The following ITCH variants were observed in gnomAD, a reference collection of about 807,000 sequenced individuals.
ITCH encodes the protein E3 ubiquitin-protein ligase Itchy homolog.
ITCH carries 28 observed loss-of-function variants against 126.8 expected under a neutral mutation model. The ratio of observed to expected loss-of-function variants is 0.22; its 90% CI spans 0.16 to 0.30. ITCH has a LOEUF of 0.30. Among genes scored for constraint, ITCH ranks in the 10% least tolerant of loss-of-function variants. The pLI is 1.00. For synonymous variants in ITCH, 342 were observed against 340.0 expected, an observed-to-expected ratio of 1.01 and a Z score of -0.06; for missense variants, 631 against 1,032.4, an observed-to-expected ratio of 0.61 and a Z score of 5.33.
chr20:34,507,393 C>G (rs1990708026), intron 24 of ITCH, among the ~76,000 whole-genome samples: 1 of 148,000 alleles, frequency 6.8e-6, no homozygotes, highest in South Asian at 2.1e-4. Context: ...GGATGTTGAG[C>G]ATTTTTTTAA....
intron 9 of ITCH, 114 bp downstream of exon 9, chr20:34,440,458 T>C (rs1347869764): frequency 1.2e-6 from 1 of 824,232 alleles, no homozygotes. Flanking sequence ...GATGACTGTT[T>C]TTTAATTTCT....
rs144559539 is a variant in ITCH, at chr20:34,422,222, G to A, written c.476-2258G>A. 1.6e-3 allele frequency among the ~76,000 whole-genome samples: 248 copies of A among 152,286 alleles called. 2 individuals are homozygous for A. The highest frequency in any genetic ancestry group is 5.6e-3 in the African/African-American group (233 of 41,556). ...GCAGGAAAAGTACAGGAAGTCAAGT[G>A]TACTTTTGTAAGGTCACAAAGTACA... On this transcript the variant is annotated intron_variant, in intron 6 of 24. Coordinates refer to ENST00000374864, the MANE Select transcript of ITCH (RefSeq NM_031483.7).
chr20:34,439,393 C>T (rs1983444291), intron 8 of ITCH, among the ~76,000 whole-genome samples: 1 of 152,160 alleles, frequency 6.6e-6, no homozygotes, highest in South Asian at 2.1e-4. Context: ...TAGCCTCAGC[C>T]TCCCGAGTAG....
intron 6 of ITCH, among the ~76,000 whole-genome samples, chr20:34,421,744 A>G (rs1379373106): frequency 6.6e-6 from 1 of 152,178 alleles, no homozygotes; most frequent in African/African-American, 2.4e-5. Flanking sequence ...ATGGTGGCTC[A>G]CACCTGTAAT....
chr20:34,427,855 A>T (rs1981760998), intron 7 of ITCH, among the ~76,000 whole-genome samples: 1 of 152,312 alleles, frequency 6.6e-6, no homozygotes, highest in Non-Finnish European at 1.5e-5. Context: ...CTGTTATGCC[A>T]GTGTGTTGTT....
chr20:34,400,908 C>G (rs1308447264), intron 3 of ITCH, among the ~76,000 whole-genome samples: 2 of 152,094 alleles, frequency 1.3e-5, no homozygotes, highest in Admixed American at 6.6e-5. Context: ...CAGGCATGCA[C>G]CACTGTGCCT....
intron 20 of ITCH, among the ~76,000 whole-genome samples, chr20:34,489,050 G>T (rs777362896): frequency 8.0e-4 from 121 of 152,140 alleles, no homozygotes; most frequent in African/African-American, 1.8e-3. Context: ...AATAAATAAA[G>T]AAATGAAATT....
At chr20:34,468,350 G>C (rs1459692041) in intron 14 of ITCH, among the ~76,000 whole-genome samples, 1 of 145,600 alleles carries the variant, frequency 6.9e-6, no homozygotes. Context: ...ATTTTTATTG[G>C]AAAAAAAAAA....
chr20:34,442,068 G>T (rs777825833), intron 9 of ITCH, 140 bp from the exon 10 acceptor site: 6 of 706,386 alleles, frequency 8.5e-6, no homozygotes, highest in Non-Finnish European at 1.6e-5. Flanking sequence ...TTCCTAAATT[G>T]TATTTGTATC....
intron 3 of ITCH, among the ~76,000 whole-genome samples, chr20:34,405,141 C>CAAAAAA (rs1170286039): frequency 1.7e-5 from 1 of 58,236 alleles, no homozygotes; most frequent in African/African-American, 7.4e-5. Flanking sequence ...GACCCTGTCT[C>CAAAAAA]AAAAAAAAAA....
chr20:34,446,169 G>A (rs189450402), intron 11 of ITCH, among the ~76,000 whole-genome samples: 305 of 152,236 alleles, frequency 2.0e-3, no homozygotes, highest in Non-Finnish European at 3.4e-3. Context: ...GGAGGAAAAG[G>A]AAAATAATCC....
chr20:34,412,407 G>C (rs1196095563), intron 4 of ITCH, 108 bp from the exon 5 acceptor site: 2 of 783,310 alleles, frequency 2.6e-6, no homozygotes, highest in African/African-American at 3.4e-5. Context: ...AAACTGTAAG[G>C]GGTGCAGTGA....
intron 3 of ITCH, among the ~76,000 whole-genome samples, chr20:34,406,814 G>A (rs1230556296): frequency 2.0e-5 from 3 of 152,164 alleles, no homozygotes; most frequent in African/African-American, 7.2e-5. Context: ...GATTACAGGC[G>A]TGAGCCACCG....
At chr20:34,503,899 T>TTTG (rs1990449218) in intron 23 of ITCH, among the ~76,000 whole-genome samples, 2 of 148,190 alleles carry the variant, frequency 1.3e-5, no homozygotes, top group Admixed American at 1.3e-4. Flanking sequence ...TTTTTTTTTT[T>TTTG]GAGATAGGGT....
At position 34,368,381 on chromosome 20, in the gene ITCH, A is replaced by G. The variant is rs552779503; in HGVS notation, c.-98-1013A>G. ...TAAGTCTCTGTTTTGGGTTTTGGAC[A>G]TTGGTTTCCTTTATAAGAATTAAGA... is the stretch of plus-strand genomic sequence containing the variant. On this transcript the variant is annotated intron_variant, in intron 1 of 24. Transcript: ENST00000374864. Among the ~76,000 whole-genome samples, 5 of 149,954 alleles carry G rather than the reference A, an allele frequency of 3.3e-5. No homozygotes were observed. The East Asian group carries it at 7.8e-4, about 23-fold the overall frequency.
At chr20:34,364,204 G>A (rs907266041) in intron 1 of ITCH, among the ~76,000 whole-genome samples, 4 of 152,142 alleles carry the variant, frequency 2.6e-5, no homozygotes, top group African/African-American at 4.8e-5. Flanking sequence ...AGGTGAACTT[G>A]TAAAGGGCCA....
chr20:34,397,260 A>T (rs889306902), intron 3 of ITCH, among the ~76,000 whole-genome samples: 6 of 152,250 alleles, frequency 3.9e-5, no homozygotes, highest in Admixed American at 3.9e-4. Context: ...TGACCTCAGG[A>T]TCCACCCACC....
intron 3 of ITCH, among the ~76,000 whole-genome samples, chr20:34,400,617 T>G (rs965048692): frequency 1.3e-5 from 2 of 150,440 alleles, no homozygotes; most frequent in Non-Finnish European, 3.0e-5. Context: ...ATTTGTGTTT[T>G]AGAAAGTTAG....
chr20:34,471,658 C>T, intron 16 of ITCH, 143 bp downstream of exon 16: 1 of 666,116 alleles, frequency 1.5e-6, no homozygotes, highest in Non-Finnish European at 2.8e-6. Flanking sequence ...TTGCCAGCCA[C>T]CTTAGGGCTT....
Sources: gnomAD v4.1 joint callset for allele counts (sites outside exome capture counted in the v4.1 genomes callset) on GRCh38, gnomAD v4.1.1 for gene constraint, MANE v1.5 for transcripts, NCBI Gene and HGNC (gene_info 2026-07-23, HGNC 2026-07-21) for gene names.